The following SMARCE1 variants were observed in gnomAD, a reference collection of about 807,000 sequenced individuals.
SMARCE1 encodes SWI/SNF related BAF chromatin remodeling complex subunit E1.
SMARCE1 carries 13 observed loss-of-function variants against 54.9 expected under a neutral mutation model. That is an observed-to-expected ratio of 0.24 (90% CI 0.15 to 0.38). SMARCE1 has a LOEUF of 0.38. Ranked by LOEUF, SMARCE1 falls within the 10% of genes least tolerant of loss-of-function variation. SMARCE1 has a pLI of 1.00. For missense variants in SMARCE1, 295 were observed against 523.8 expected, an observed-to-expected ratio of 0.56 and a Z score of 4.26; for synonymous variants, 151 against 175.3, an observed-to-expected ratio of 0.86 and a Z score of 1.10.
At chr17:40,629,082 A>C in intron 10 of SMARCE1, 89 bp from the exon 11 acceptor site, 1 of 1,057,502 alleles carries the variant, frequency 9.5e-7, no homozygotes, top group Non-Finnish European at 1.4e-6. Context: ...TCCAATATAG[A>C]AGCCACTAGC....
chr17:40,629,637 T>C (rs1175444536), intron 10 of SMARCE1: 1 of 565,712 alleles, frequency 1.8e-6, no homozygotes, highest in East Asian at 3.5e-5. Context: ...GGTTTTTTCC[T>C]TGAACTAGGA....
At chr17:40,635,707 A>G (rs2037140000) in intron 7 of SMARCE1, 1 of 345,426 alleles carries the variant, frequency 2.9e-6, no homozygotes, top group African/African-American at 2.1e-5. Flanking sequence ...ATTTTGATAA[A>G]CAATCAATAA....
At chr17:40,646,105 C>T (rs1452424287) in intron 1 of SMARCE1, among the ~76,000 whole-genome samples, 1 of 152,110 alleles carries the variant, frequency 6.6e-6, no homozygotes, top group East Asian at 1.9e-4. Context: ...TACTAAGCTA[C>T]CTCTTGTATG....
intron 5 of SMARCE1, chr17:40,637,269 T>C: frequency 1.8e-6 from 1 of 550,582 alleles, no homozygotes; most frequent in South Asian, 2.0e-5. Context: ...CTATAGAACA[T>C]TCTATCTTAA....
At position 40,630,869 on chromosome 17, in the gene SMARCE1, T is replaced by C. The variant is rs1307270981; in HGVS notation, c.872A>G (p.Gln291Arg). Residue 291 changes from glutamine to arginine, a missense_variant, in exon 10 of 11, where the codon CAG (glutamine) becomes CGG (arginine). Physicochemically the swap from Gln to Arg is conservative, Grantham distance 43. This residue lies in a region of SMARCE1 where 147 missense variants were observed against 161.4 expected (regional missense o/e 0.91). Coordinates refer to ENST00000348513, the MANE Select transcript of SMARCE1 (RefSeq NM_003079.5). ...DMEKIAAEIA[Q>R]AEEQARKRQE... ...CCTTTTGCGGGCCTGTTCCTCTGCC[T>C]GTGCAATCTCAGCTGCAATTTTCTC... 2.5e-6 allele frequency: 4 copies of C among 1,613,860 alleles called. No homozygotes were observed. In the African/African-American group the frequency reaches 5.3e-5, roughly 22 times the overall value.
rs539292111 is a variant in SMARCE1, at chr17:40,631,159, C to T, written c.817-235G>A. 3.9e-4 allele frequency: 168 copies of T among 434,726 alleles called. No homozygotes were observed. The Middle Eastern group carries it at 0.011, about 28-fold the overall frequency. 26.9% of individuals were successfully genotyped at this position (434,726 alleles called of 1,614,324 possible). On this transcript the variant is annotated intron_variant, in intron 9 of 10. Coordinates refer to ENST00000348513, the MANE Select transcript of SMARCE1 (RefSeq NM_003079.5). Reference sequence around the variant, plus strand: ...TATAATATAGGATATTCCAGAGCAGCTGGTGAGGCAAAATAGTGAAAGTTC... The same window carrying T: ...TATAATATAGGATATTCCAGAGCAGTTGGTGAGGCAAAATAGTGAAAGTTC...
chr17:40,636,158 G>C lies in SMARCE1; in HGVS notation c.370-56C>G, dbSNP rs1173109803. ...TTAACATTTTGCAGGTTATAATGCA[G>C]ACCTATGTTATCTCACTTGAATATC... On this transcript the variant is annotated intron_variant, in intron 6 of 10. Coordinates refer to ENST00000348513, the MANE Select transcript of SMARCE1 (RefSeq NM_003079.5). The C allele has an allele frequency of 2.8e-5, 39 of 1,396,938 alleles. 1 individual carries two copies. The Middle Eastern group carries it at 7.3e-4, about 26-fold the overall frequency. The allele number at this position is 1,396,938 out of a possible 1,614,324, so 86.5% of individuals were successfully genotyped here.
rs890133471 is a variant in SMARCE1, at chr17:40,645,866, GA to G, written c.-45-20del. ...TGAGACACTAAAATAAAAAAAAAAG[GA>G]AAAAAAAAAGAGAATCAAAACTCAG... On this transcript the variant is annotated intron_variant, in intron 1 of 10. Coordinates refer to ENST00000348513, the MANE Select transcript of SMARCE1 (RefSeq NM_003079.5). 997 of 664,448 alleles carry G rather than the reference GA, an allele frequency of 1.5e-3. No individual in the cohort carries two copies. The highest frequency in any genetic ancestry group is 4.1e-3 in the South Asian group (87 of 21,338). The allele number at this position is 664,448 out of a possible 1,614,324, so 41.2% of individuals were successfully genotyped here. A position where few individuals can be genotyped will look rare whatever the true frequency, so the allele number is the denominator to read the frequency against.
chr17:40,628,943 C>G lies in SMARCE1; in HGVS notation c.1078G>C (p.Gly360Arg), dbSNP rs976928947. 10 of 1,613,636 alleles carry G rather than the reference C, an allele frequency of 6.2e-6. No individual in the cohort carries two copies. The highest frequency in any genetic ancestry group is 8.5e-6 in the Non-Finnish European group (10 of 1,179,664). Reference sequence around the variant, plus strand: ...TCCTTGTCCTCAGGAGTAGACGTGCCTTCTTCACCATTCTGTTGGCTCTCT... The same window carrying G: ...TCCTTGTCCTCAGGAGTAGACGTGCGTTCTTCACCATTCTGTTGGCTCTCT... ...TTESQQNGEE[G>R]TSTPEDKESG... The change falls in exon 11 of 11, where the codon GGC becomes CGC. Residue 360 changes from glycine to arginine, a missense_variant. Transcript: ENST00000348513.
chr17:40,635,361 G>C (rs1375051880), intron 7 of SMARCE1: 1 of 151,850 alleles, frequency 6.6e-6, no homozygotes, highest in Non-Finnish European at 1.5e-5. Context: ...AGAACAATCA[G>C]AACACCTGCT....
At chr17:40,630,343 G>T in intron 10 of SMARCE1, 2 of 774,168 alleles carry the variant, frequency 2.6e-6, no homozygotes, top group Non-Finnish European at 4.5e-6. Flanking sequence ...AGTTGTTGTT[G>T]CAACTACTCA....
intron 9 of SMARCE1, 143 bp downstream of exon 9, chr17:40,631,449 A>T: frequency 1.8e-6 from 1 of 568,264 alleles, no homozygotes; most frequent in Non-Finnish European, 3.1e-6. Flanking sequence ...TTATAAAAAA[A>T]GGATCCTACA....
Position 40,628,563 on chromosome 17 carries a change from G to A in SMARCE1, c.*222C>T, listed in dbSNP as rs2037057565. On this transcript the variant is annotated 3_prime_UTR_variant, in exon 11 of 11. Transcript: ENST00000348513. The stretch of plus-strand genomic sequence containing the variant: ...CTAAATTCTGAGGCTTTCAGCAGTT[G>A]AGGGCTAGAAACAAGATCCAAAGAA... 4.0e-6 allele frequency: 2 copies of A among 496,424 alleles called. No individual in the cohort carries two copies. Among genetic ancestry groups the A allele is most frequent in the East Asian group, 7.2e-5 (2 of 27,948 alleles). The allele number at this position is 496,424 out of a possible 1,614,324, so 30.8% of individuals were successfully genotyped here.
At chr17:40,637,274 T>A in intron 5 of SMARCE1, 1 of 564,412 alleles carries the variant, frequency 1.8e-6, no homozygotes, top group Non-Finnish European at 3.2e-6. Context: ...GAACATTCTA[T>A]CTTAAGGATT....
chr17:40,637,432 G>T, intron 5 of SMARCE1, 60 bp downstream of exon 5: 1 of 1,308,636 alleles, frequency 7.6e-7, no homozygotes, highest in Non-Finnish European at 1.1e-6. Flanking sequence ...AAAGTTGGAT[G>T]TTAAGCAAAG....
At chr17:40,645,763 C>A in intron 2 of SMARCE1, 33 bp downstream of exon 2, 2 of 1,102,218 alleles carry the variant, frequency 1.8e-6, no homozygotes, top group Non-Finnish European at 2.5e-6. Context: ...CTCTTATTAA[C>A]ATAGATTGAT....
At chr17:40,637,342 T>A (rs78545203) in intron 5 of SMARCE1, 150 bp downstream of exon 5, 8,201 of 678,940 alleles carry the variant, frequency 0.012, 322 homozygotes, top group East Asian at 0.096. Flanking sequence ...AATTTTGAAA[T>A]CAGAACTAAT....
chr17:40,632,439 T>G (rs1038978285), intron 7 of SMARCE1, 72 bp from the exon 8 acceptor site: 79 of 1,357,528 alleles, frequency 5.8e-5, no homozygotes, highest in Middle Eastern at 5.5e-4. Context: ...ATGTTAACAC[T>G]TAATTACCAA....
At chr17:40,637,271 C>T (rs998377818) in intron 5 of SMARCE1, 2 of 552,786 alleles carry the variant, frequency 3.6e-6, no homozygotes, top group East Asian at 3.1e-5. Context: ...ATAGAACATT[C>T]TATCTTAAGG....
Sources: gnomAD v4.1 joint callset for allele counts (sites outside exome capture counted in the v4.1 genomes callset) on GRCh38, gnomAD v4.1.1 for gene constraint, gnomAD v4.1.1 regional missense constraint, MANE v1.5 for transcripts, NCBI Gene and HGNC (gene_info 2026-07-23, HGNC 2026-07-21) for gene names.